The following ZBTB2 variants were observed in gnomAD, a reference collection of about 807,000 sequenced individuals.
ZBTB2 encodes the protein zinc finger and BTB domain containing 2.
A neutral mutation model predicts 39.5 loss-of-function variants in ZBTB2; 2 were observed. That is an observed-to-expected ratio of 0.05 (90% CI 0.02 to 0.16). The LOEUF is 0.16. ZBTB2 is among the 10% of genes least tolerant of loss of function. The probability of loss-of-function intolerance (pLI) is 1.00; values close to 1 mark genes in which losing one functional copy is unlikely to be tolerated. For synonymous variants in ZBTB2, 251 were observed against 256.6 expected, an observed-to-expected ratio of 0.98 and a Z score of 0.21; for missense variants, 391 against 653.0, an observed-to-expected ratio of 0.60 and a Z score of 4.37.
chr6:151,377,905 G>C (rs1778953038), intron 1 of ZBTB2: 1 of 147,760 alleles, frequency 6.8e-6, no homozygotes, highest in Admixed American at 6.6e-5. Context: ...CTAAACTTCA[G>C]AGTTAAGAAT....
At chr6:151,390,164 C>G (rs1249459748) in intron 1 of ZBTB2, among the ~76,000 whole-genome samples, 1 of 151,980 alleles carries the variant, frequency 6.6e-6, no homozygotes, top group Non-Finnish European at 1.5e-5. Flanking sequence ...ACGCTCCGTA[C>G]CCGGGACTGG....
intron 2 of ZBTB2, among the ~76,000 whole-genome samples, chr6:151,371,317 G>C (rs1002544072): frequency 6.6e-6 from 1 of 152,194 alleles, no homozygotes; most frequent in Non-Finnish European, 1.5e-5. Flanking sequence ...AGTGAAGAAG[G>C]GGGTAGGTAC....
rs372246983 is a variant in ZBTB2 at position 151,387,549 on chromosome 6, G to C, written c.-13+3871C>G. 2.0e-3 allele frequency among the ~76,000 whole-genome samples: 300 copies of C among 152,286 alleles called. 1 individual carries two copies. Among genetic ancestry groups the C allele is most frequent in the African/African-American group, 7.0e-3 (292 of 41,546 alleles). On this transcript the variant is annotated intron_variant, in intron 1 of 2. Transcript: ENST00000325144. Reference sequence around the variant, plus strand: ...CCTAAATGACTCTCCCGGTGCAGGAGAACATGCGCACTTCATTCCAGAGGA... The same window carrying C: ...CCTAAATGACTCTCCCGGTGCAGGACAACATGCGCACTTCATTCCAGAGGA...
intron 1 of ZBTB2, among the ~76,000 whole-genome samples, chr6:151,382,465 G>A (rs1436256250): frequency 1.3e-5 from 2 of 151,634 alleles, no homozygotes; most frequent in Non-Finnish European, 2.9e-5. Context: ...ATGTTGGTCA[G>A]GCTGGTTTCG....
At chr6:151,368,198 C>G (rs564713350) in intron 2 of ZBTB2, among the ~76,000 whole-genome samples, 3 of 152,104 alleles carry the variant, frequency 2.0e-5, no homozygotes, top group South Asian at 2.1e-4. Flanking sequence ...CCAGGCTGGA[C>G]TGCAGTGGTG....
intron 1 of ZBTB2, among the ~76,000 whole-genome samples, chr6:151,386,470 G>A (rs138828409): frequency 2.7e-4 from 41 of 152,310 alleles, no homozygotes; most frequent in Non-Finnish European, 4.7e-4. Flanking sequence ...GGAGGCTGAG[G>A]CTGCTGTGAG....
At chr6:151,374,869 C>A (rs1449985545) in intron 1 of ZBTB2, among the ~76,000 whole-genome samples, 2 of 132,056 alleles carry the variant, frequency 1.5e-5, no homozygotes, top group African/African-American at 5.7e-5. Flanking sequence ...CGGAGGTGGG[C>A]GGATCACGAG....
At position 151,366,123 on chromosome 6, in the gene ZBTB2, T is replaced by C; in HGVS notation, c.943A>G (p.Ile315Val). The change falls in exon 3 of 3, where the codon ATA (isoleucine) becomes GTA (valine). Residue 315 changes from isoleucine to valine, a missense_variant. Ile to Val is a conservative substitution (Grantham distance 29). This residue lies in a region of ZBTB2 where 80 missense variants were observed against 125.2 expected (regional missense o/e 0.64). Transcript: ENST00000325144. This position sits in a 1 kb window ranked among gnomAD's most constrained non-coding sequence, Gnocchi z 7.1. ...ATGTGCTGCAGCTCACTGTCACTTA[T>C]CATCCCGGCTTCAGGCACTTCCATG... ...DAMEVPEAGM[I>V]SDSELQHISD... The C allele has an allele frequency of 2.5e-6, 4 of 1,614,168 alleles. No individual in the cohort carries two copies. Among genetic ancestry groups the C allele is most frequent in the Non-Finnish European group, 3.4e-6 (4 of 1,180,038 alleles).
chr6:151,366,398 T>G lies in ZBTB2; in HGVS notation c.668A>C (p.Glu223Ala). 1.9e-6 allele frequency: 3 copies of G among 1,614,008 alleles called. No homozygotes were observed. The highest frequency in any genetic ancestry group is 2.5e-6 in the Non-Finnish European group (3 of 1,179,994). Reference protein sequence around the residue: ...PPPPGEETNLEASSSDEQPAS... With the variant: ...PPPPGEETNLAASSSDEQPAS... ...AGGCTGCTCATCGGAGGAAGATGCT[T>G]CCAGATTGGTCTCCTCCCCGGGAGG... Residue 223 changes from glutamate to alanine, a missense_variant, in exon 3 of 3, where the codon GAA becomes GCA. Transcript: ENST00000325144. This position sits in a 1 kb window ranked among gnomAD's most constrained non-coding sequence, Gnocchi z 7.1.
intron 1 of ZBTB2, among the ~76,000 whole-genome samples, chr6:151,389,104 G>C (rs1779227220): frequency 6.6e-6 from 1 of 152,118 alleles, no homozygotes; most frequent in Non-Finnish European, 1.5e-5. Context: ...TGTCCTATTA[G>C]TGGTAAATTA....
intron 1 of ZBTB2, among the ~76,000 whole-genome samples, chr6:151,386,898 C>T (rs540006903): frequency 2.0e-4 from 31 of 152,252 alleles, no homozygotes; most frequent in African/African-American, 7.5e-4. Context: ...AAGGCCATTA[C>T]ATGTTAAAGT....
intron 2 of ZBTB2, among the ~76,000 whole-genome samples, chr6:151,368,376 G>A (rs1216638919): frequency 6.6e-6 from 1 of 152,056 alleles, no homozygotes; most frequent in African/African-American, 2.4e-5. Flanking sequence ...GTCTTGATCT[G>A]CTGAACTCGT....
At chr6:151,374,108 G>A (rs1778849803) in intron 1 of ZBTB2, among the ~76,000 whole-genome samples, 1 of 152,014 alleles carries the variant, frequency 6.6e-6, no homozygotes, top group African/African-American at 2.4e-5. Context: ...ATGCATCAGA[G>A]TTTGTCAATT....
chr6:151,386,881 A>AAAC (rs139952911), intron 1 of ZBTB2, among the ~76,000 whole-genome samples: 41,747 of 152,030 alleles, frequency 0.27, 7,030 homozygotes, highest in African/African-American at 0.48. Flanking sequence ...ATTCAATTAA[A>AAAC]AACAATAAGG....
At chr6:151,386,850 G>A (rs1779165043) in intron 1 of ZBTB2, among the ~76,000 whole-genome samples, 1 of 150,860 alleles carries the variant, frequency 6.6e-6, no homozygotes, top group Non-Finnish European at 1.5e-5. Flanking sequence ...TACCAAAATG[G>A]AGAAATTTTA....
At chr6:151,372,045 C>G (rs1248452050) in intron 2 of ZBTB2, among the ~76,000 whole-genome samples, 1 of 152,054 alleles carries the variant, frequency 6.6e-6, no homozygotes, top group East Asian at 1.9e-4. Context: ...ACAGAACAGT[C>G]AAGGCCAGAG....
At chr6:151,390,418 T>G (rs1779262179) in intron 1 of ZBTB2, among the ~76,000 whole-genome samples, 1 of 149,090 alleles carries the variant, frequency 6.7e-6, no homozygotes, top group Non-Finnish European at 1.5e-5. Context: ...CGTTGCACGC[T>G]CGCCGCTTCC....
At chr6:151,375,366 A>T (rs1000224481) in intron 1 of ZBTB2, among the ~76,000 whole-genome samples, 1 of 152,184 alleles carries the variant, frequency 6.6e-6, no homozygotes, top group Admixed American at 6.5e-5. Context: ...GAAATAAAGG[A>T]TCTAAATAAA....
At chr6:151,373,333 G>C (rs1371553042) in intron 2 of ZBTB2, 132 bp downstream of exon 2, 1 of 909,970 alleles carries the variant, frequency 1.1e-6, no homozygotes, top group South Asian at 1.7e-5. Flanking sequence ...TAGTGGGGGC[G>C]AGTGAGGCCA....
Sources: gnomAD v4.1 joint callset for allele counts (sites outside exome capture counted in the v4.1 genomes callset) on GRCh38, gnomAD v4.1.1 for gene constraint, gnomAD v4.1.1 regional missense constraint, Gnocchi (gnomAD v3.1) non-coding constraint, MANE v1.5 for transcripts, NCBI Gene and HGNC (gene_info 2026-07-23, HGNC 2026-07-21) for gene names.